PHACTR2: variants seen among roughly 807,000 people sequenced by gnomAD.
PHACTR2 encodes chromosome 6 open reading frame 56.
In PHACTR2, 30 loss-of-function variants were observed where a neutral mutation model predicts 76.0. The observed-to-expected ratio is 0.39, with a 90% CI of 0.30 to 0.54. The LOEUF is 0.54. Ranked by LOEUF, PHACTR2 falls within the 20% of genes least tolerant of loss-of-function variation. The probability of loss-of-function intolerance (pLI) is 0.61; values close to 1 mark genes in which losing one functional copy is unlikely to be tolerated. For missense variants in PHACTR2, 696 were observed against 781.1 expected, an observed-to-expected ratio of 0.89 and a Z score of 1.30; for synonymous variants, 292 against 292.5, an observed-to-expected ratio of 1.00 and a Z score of 0.02.
rs1775459408 is a variant in PHACTR2 at position 143,782,729 on chromosome 6, G to T, written c.1646-490G>T. Among the ~76,000 whole-genome samples, 1 of 152,106 alleles carries T rather than the reference G, an allele frequency of 6.6e-6. No homozygotes were observed. The highest frequency in any genetic ancestry group is 1.5e-5 in the Non-Finnish European group (1 of 68,026). On this transcript the variant is annotated intron_variant, in intron 9 of 12. Coordinates refer to ENST00000440869, the MANE Select transcript of PHACTR2 (RefSeq NM_001100164.2). This position sits in a 1 kb window ranked among gnomAD's most constrained non-coding sequence, Gnocchi z 4.6. ...CGAAGGAAGACAAATCAAATATTTT[G>T]GTTGGATTTGAGTGGAAATCAGCAG...
At chr6:143,713,246 T>C (rs1212594006) in intron 2 of PHACTR2, among the ~76,000 whole-genome samples, 3 of 152,230 alleles carry the variant, frequency 2.0e-5, no homozygotes, top group Non-Finnish European at 4.4e-5. Flanking sequence ...CATTTGCAGC[T>C]ATATAGTTTA....
rs1321399521 is a variant in PHACTR2, at chr6:143,791,682, C to T, written c.1845+2772C>T. Among the ~76,000 whole-genome samples the T allele has an allele frequency of 1.3e-5, 2 of 151,910 alleles. No homozygotes were observed. The highest frequency in any genetic ancestry group is 4.8e-5 in the African/African-American group (2 of 41,340). ...AACAAACAAGACATGTTAAATCTCC[C>T]ACTATGTGGATTTTTTTTTTTACTT... On this transcript the variant is annotated intron_variant, in intron 11 of 12. Transcript: ENST00000440869. This position sits in a 1 kb window ranked among gnomAD's most constrained non-coding sequence, Gnocchi z 4.7.
At position 143,733,061 on chromosome 6, in the gene PHACTR2, T is replaced by TA. The variant is rs200519228; in HGVS notation, c.215-15915dup. Among the ~76,000 whole-genome samples, 30 of 151,782 alleles carry TA rather than the reference T, an allele frequency of 2.0e-4. No homozygotes were observed. Among genetic ancestry groups the TA allele is most frequent in the Admixed American group, 1.4e-3 (22 of 15,214 alleles). The stretch of plus-strand genomic sequence containing the variant: ...TGCACCACAACACCCAACTTAATTT[T>TA]AAAAAAAAATTTTTTTTCATAGAGA... On this transcript the variant is annotated intron_variant, in intron 2 of 12. Coordinates refer to ENST00000440869, the MANE Select transcript of PHACTR2 (RefSeq NM_001100164.2). This position sits in a 1 kb window ranked among gnomAD's most constrained non-coding sequence, Gnocchi z 4.0.
chr6:143,704,087 G>GTC (rs1777982203), intron 1 of PHACTR2, among the ~76,000 whole-genome samples: 5 of 131,852 alleles, frequency 3.8e-5, no homozygotes, highest in Admixed American at 2.3e-4. Flanking sequence ...GTGTGTGTGT[G>GTC]TGTGTGTCTG....
At position 143,641,250 on chromosome 6, in the gene PHACTR2, G is replaced by T. The variant is rs994379726; in HGVS notation, c.13+32928G>T. ...TCCCACCTCTTAATACTGTGATAAT[G>T]GCAATGAAGTTTCAACATGAAGTTT... On this transcript the variant is annotated intron_variant, in intron 1 of 11. Coordinates refer to the PHACTR2 transcript ENST00000305766. This position sits in a 1 kb window ranked among gnomAD's most constrained non-coding sequence, Gnocchi z 5.8. Among the ~76,000 whole-genome samples the T allele has an allele frequency of 6.6e-6, 1 of 152,132 alleles. No individual in the cohort carries two copies. The highest frequency in any genetic ancestry group is 2.4e-5 in the African/African-American group (1 of 41,430).
rs918732018 is a variant in PHACTR2, at chr6:143,585,777, A to T, written c.217+48570A>T. Among the ~76,000 whole-genome samples, 2 of 152,156 alleles carry T rather than the reference A, an allele frequency of 1.3e-5. No homozygotes were observed. The highest frequency in any genetic ancestry group is 4.8e-5 in the African/African-American group (2 of 41,442). ...CCTCAAAATGATGTGGGAGAATAAG[A>T]CTTCTTAGGTAATTTCTGTTTCAAA... On this transcript the variant is annotated intron_variant, in intron 1 of 11. Transcript: ENST00000367584. This position sits in a 1 kb window ranked among gnomAD's most constrained non-coding sequence, Gnocchi z 5.2.
rs1480822767 is a variant in PHACTR2 at position 143,731,688 on chromosome 6, C to A, written c.215-17297C>A. ...ATGGTATTGATCTGTAGTGTTCTTG[C>A]ACTATCTTTGTCTAGGTTTGATATC... is the stretch of plus-strand genomic sequence containing the variant. On this transcript the variant is annotated intron_variant, in intron 2 of 12. Coordinates refer to ENST00000440869, the MANE Select transcript of PHACTR2 (RefSeq NM_001100164.2). The surrounding 1 kb of genome is among the most constrained non-coding windows in gnomAD (Gnocchi z 4.9). Among the ~76,000 whole-genome samples, 1 of 152,158 alleles carries A rather than the reference C, an allele frequency of 6.6e-6. No homozygotes were observed. The highest frequency in any genetic ancestry group is 2.1e-4 in the South Asian group (1 of 4,826).
In PHACTR2 at chr6:143,791,571, C is replaced by CAAA. The variant is rs1390272553; in HGVS notation, c.1845+2662_1845+2664dup. Among the ~76,000 whole-genome samples the CAAA allele has an allele frequency of 6.6e-6, 1 of 152,088 alleles. No individual in the cohort carries two copies. Among genetic ancestry groups the CAAA allele is most frequent in the African/African-American group, 2.4e-5 (1 of 41,410 alleles). On this transcript the variant is annotated intron_variant, in intron 11 of 12. Transcript: ENST00000440869. The surrounding 1 kb of genome is among the most constrained non-coding windows in gnomAD (Gnocchi z 4.7). Reference sequence around the variant, plus strand: ...ATGTGTTCTATGGTTTGAGGGTGTGCAAATTTTCCTGTAAGATCAATCTTG... The same window carrying CAAA: ...ATGTGTTCTATGGTTTGAGGGTGTGCAAAAAATTTTCCTGTAAGATCAATCTTG...
chr6:143,559,690 CTTTTTTTTTTTTTTTTTTTTTTTTTT>C (rs5880566), intron 1 of PHACTR2, among the ~76,000 whole-genome samples: 3 of 31,894 alleles, frequency 9.4e-5, no homozygotes, highest in South Asian at 1.7e-3. Context: ...TTTTTCTTTT[CTTTTTTTTTTTTTTTTTTTTTTTTTT>C]TTTTTTTTTT....
At chr6:143,813,139 A>G (rs1243869373) in intron 12 of PHACTR2, among the ~76,000 whole-genome samples, 1 of 152,138 alleles carries the variant, frequency 6.6e-6, no homozygotes, top group African/African-American at 2.4e-5. Context: ...GGAGTATACA[A>G]AGTAGTTTCA....
chr6:143,748,789 T>A (rs1779123080), intron 2 of PHACTR2, 196 bp from the exon 3 acceptor site: 1 of 438,044 alleles, frequency 2.3e-6, no homozygotes, highest in Non-Finnish European at 4.0e-6. Context: ...GGACTTCAGA[T>A]CATGGGCTGC....
rs1013838066 is a variant in PHACTR2, at chr6:143,710,628, C to T, written c.47-1388C>T. ...AGGAGAATTGCTTGAACCAAGGAGG[C>T]GGTGGTTGCAGTGAGCTGAGATCGC... is the stretch of plus-strand genomic sequence containing the variant. On this transcript the variant is annotated intron_variant, in intron 1 of 12. Coordinates refer to ENST00000440869, the MANE Select transcript of PHACTR2 (RefSeq NM_001100164.2). This position sits in a 1 kb window ranked among gnomAD's most constrained non-coding sequence, Gnocchi z 4.9. Among the ~76,000 whole-genome samples the T allele has an allele frequency of 6.6e-6, 1 of 152,140 alleles. No individual in the cohort carries two copies. Among genetic ancestry groups the T allele is most frequent in the Non-Finnish European group, 1.5e-5 (1 of 68,024 alleles).
chr6:143,590,270 C>T (rs1775675489), intron 1 of PHACTR2, among the ~76,000 whole-genome samples: 1 of 151,996 alleles, frequency 6.6e-6, no homozygotes, highest in Admixed American at 6.6e-5. Flanking sequence ...CTGCAGATGA[C>T]TTTTAGGAAC....
At position 143,678,871 on chromosome 6, in the gene PHACTR2, C is replaced by A. The variant is rs1777318977; in HGVS notation, c.46+662C>A. On this transcript the variant is annotated intron_variant, in intron 1 of 12. Transcript: ENST00000440869. The surrounding 1 kb of genome is among the most constrained non-coding windows in gnomAD (Gnocchi z 6.2). Reference sequence around the variant, plus strand: ...TTCTAATGCTCTGTTTTAAAAGTTTCTTTTTTCCATTTTCTTAAACAAAAA... The same window carrying A: ...TTCTAATGCTCTGTTTTAAAAGTTTATTTTTTCCATTTTCTTAAACAAAAA... Among the ~76,000 whole-genome samples, 1 of 150,788 alleles carries A rather than the reference C, an allele frequency of 6.6e-6. No individual in the cohort carries two copies. The highest frequency in any genetic ancestry group is 1.5e-5 in the Non-Finnish European group (1 of 67,792).
At chr6:143,614,608 A>T (rs1776032836) in intron 1 of PHACTR2, among the ~76,000 whole-genome samples, 1 of 152,214 alleles carries the variant, frequency 6.6e-6, no homozygotes, top group Admixed American at 6.5e-5. Flanking sequence ...TTTCATGTAC[A>T]TGAAATTCCA....
chr6:143,538,128 C>T (rs895583364), intron 1 of PHACTR2, among the ~76,000 whole-genome samples: 1 of 152,072 alleles, frequency 6.6e-6, no homozygotes, highest in Non-Finnish European at 1.5e-5. Flanking sequence ...ACACAAAAGC[C>T]TCAAGCTAGC....
At chr6:143,631,789 G>A (rs1472923276) in intron 1 of PHACTR2, among the ~76,000 whole-genome samples, 1 of 152,036 alleles carries the variant, frequency 6.6e-6, no homozygotes, top group African/African-American at 2.4e-5. Context: ...TCGTAAAGTG[G>A]ACACACTCTA....
At position 143,827,469 on chromosome 6, in the gene PHACTR2, C is replaced by T. The variant is rs546878895; in HGVS notation, c.*3780C>T. Reference sequence around the variant, plus strand: ...CAGTCTGTTATTATTTTTAAGTGCCCCTTGCTGCAAATTTCAAACAGAGCA... The same window carrying T: ...CAGTCTGTTATTATTTTTAAGTGCCTCTTGCTGCAAATTTCAAACAGAGCA... On this transcript the variant is annotated 3_prime_UTR_variant, in exon 13 of 13. Transcript: ENST00000440869. 23 of 151,806 alleles carry T rather than the reference C, an allele frequency of 1.5e-4. No homozygotes were observed. Among genetic ancestry groups the T allele is most frequent in the African/African-American group, 5.1e-4 (21 of 41,410 alleles). 9.4% of individuals were successfully genotyped at this position (151,806 alleles called of 1,614,324 possible).
intron 1 of PHACTR2, among the ~76,000 whole-genome samples, chr6:143,615,907 CAT>C (rs1407831146): frequency 6.6e-6 from 1 of 152,210 alleles, no homozygotes; most frequent in East Asian, 1.9e-4. Flanking sequence ...TTACATTCCA[CAT>C]GACTCTTTCC....
Sources: gnomAD v4.1 joint callset for allele counts (sites outside exome capture counted in the v4.1 genomes callset) on GRCh38, gnomAD v4.1.1 for gene constraint, Gnocchi (gnomAD v3.1) non-coding constraint, MANE v1.5 for transcripts, NCBI Gene and HGNC (gene_info 2026-07-23, HGNC 2026-07-21) for gene names.